Variants in ST3GAL1 observed in about 807,000 individuals in gnomAD.
ST3GAL1 encodes the protein ST3 beta-galactoside alpha-2,3-sialyltransferase 1.
ST3GAL1 carries 16 observed loss-of-function variants against 34.1 expected under a neutral mutation model. The observed-to-expected ratio is 0.47, with a 90% CI of 0.32 to 0.71. The LOEUF (loss-of-function observed/expected upper bound fraction) is 0.71, where lower values mean the gene tolerates loss of function less well. Among genes scored for constraint, ST3GAL1 ranks in the 30% least tolerant of loss-of-function variants. ST3GAL1 has a pLI of 0.04. For missense variants in ST3GAL1, 353 were observed against 447.4 expected, an observed-to-expected ratio of 0.79 and a Z score of 1.90; for synonymous variants, 191 against 184.7, an observed-to-expected ratio of 1.03 and a Z score of -0.28.
At chr8:133,463,333 C>G in intron 8 of ST3GAL1, 81 bp downstream of exon 8, 2 of 1,535,384 alleles carry the variant, frequency 1.3e-6, no homozygotes, top group Non-Finnish European at 1.8e-6. Context: ...GGCTGTCTTG[C>G]AACTCAATGC....
intron 5 of ST3GAL1, among the ~76,000 whole-genome samples, chr8:133,473,665 G>A (rs1276964862): frequency 6.6e-6 from 1 of 152,208 alleles, no homozygotes; most frequent in Non-Finnish European, 1.5e-5. Flanking sequence ...TCAAGGGAGG[G>A]CAACTTTGTG....
At chr8:133,474,913 A>G (rs563933130) in intron 5 of ST3GAL1, among the ~76,000 whole-genome samples, 1 of 152,320 alleles carries the variant, frequency 6.6e-6, no homozygotes, top group South Asian at 2.1e-4. Context: ...CAGCCAGAAT[A>G]AAATTCCATG....
At chr8:133,482,074 C>T (rs1307684558) in intron 3 of ST3GAL1, among the ~76,000 whole-genome samples, 1 of 152,036 alleles carries the variant, frequency 6.6e-6, no homozygotes, top group Non-Finnish European at 1.5e-5. Context: ...CTCTGCTCGT[C>T]CTCTGAACCC....
At chr8:133,509,219 A>G (rs1337628411) in intron 2 of ST3GAL1, among the ~76,000 whole-genome samples, 1 of 152,244 alleles carries the variant, frequency 6.6e-6, no homozygotes, top group Non-Finnish European at 1.5e-5. Context: ...ACAGTTCCTC[A>G]GTGTCACCAG....
chr8:133,537,645 C>T (rs1177411800), intron 2 of ST3GAL1, among the ~76,000 whole-genome samples: 2 of 152,184 alleles, frequency 1.3e-5, no homozygotes, highest in Admixed American at 6.5e-5. Flanking sequence ...ACGCCAGGCC[C>T]ATTCTCTGGA....
At chr8:133,540,710 GACATATATATATATAGAC>G (rs1210781741) in intron 2 of ST3GAL1, among the ~76,000 whole-genome samples, 70 of 114,942 alleles carry the variant, frequency 6.1e-4, no homozygotes, top group African/African-American at 2.1e-3. Context: ...TATATATACA[GACATATATATATATAGAC>G]ATATATATAT....
intron 2 of ST3GAL1, among the ~76,000 whole-genome samples, chr8:133,524,783 A>G (rs1482056578): frequency 6.6e-6 from 1 of 152,272 alleles, no homozygotes; most frequent in South Asian, 2.1e-4. Flanking sequence ...TTCTGGACCC[A>G]TGTCTGGATG....
At chr8:133,512,085 T>C (rs1390370777) in intron 2 of ST3GAL1, among the ~76,000 whole-genome samples, 4 of 152,024 alleles carry the variant, frequency 2.6e-5, no homozygotes, top group Non-Finnish European at 5.9e-5. Context: ...TAAGAAGAAT[T>C]GACTCACACC....
chr8:133,490,355 C>T (rs1317505544), intron 3 of ST3GAL1, among the ~76,000 whole-genome samples: 8 of 152,214 alleles, frequency 5.3e-5, no homozygotes, highest in African/African-American at 1.7e-4. Flanking sequence ...GCTTCAAGAA[C>T]ACAGCTGGCG....
chr8:133,533,453 C>A (rs764688210), intron 2 of ST3GAL1, among the ~76,000 whole-genome samples: 1 of 152,212 alleles, frequency 6.6e-6, no homozygotes, highest in Non-Finnish European at 1.5e-5. Context: ...GCACATTAGT[C>A]CCCAAGAAAT....
At chr8:133,568,078 T>C (rs1279383265) in intron 1 of ST3GAL1, among the ~76,000 whole-genome samples, 3 of 152,102 alleles carry the variant, frequency 2.0e-5, no homozygotes, top group African/African-American at 4.8e-5. Context: ...CCCACCACTA[T>C]GCCCGGCTAA....
Position 133,462,590 on chromosome 8 carries a change from A to G in ST3GAL1, c.730-596T>C, listed in dbSNP as rs1459247048. Among the ~76,000 whole-genome samples the G allele has an allele frequency of 3.3e-5, 5 of 152,304 alleles. No homozygotes were observed. In the East Asian group the frequency reaches 9.7e-4, roughly 29 times the overall value. ...CCACCACCCAAAGCCTGCCTTGAGC[A>G]CAACGAAAGGGAATTCTCAGGCAGG... On this transcript the variant is annotated intron_variant, in intron 8 of 9. Transcript: ENST00000522652.
At chr8:133,546,015 T>C (rs1271463528) in intron 1 of ST3GAL1, 89 bp from the exon 2 acceptor site, 1 of 152,246 alleles carries the variant, frequency 6.6e-6, no homozygotes, top group Non-Finnish European at 1.5e-5. Flanking sequence ...AATGAAAAGA[T>C]ATTCACCCAC....
At chr8:133,477,263 G>C (rs1248556707) in intron 3 of ST3GAL1, among the ~76,000 whole-genome samples, 1 of 152,148 alleles carries the variant, frequency 6.6e-6, no homozygotes, top group Admixed American at 6.6e-5. Flanking sequence ...GTATCTATTA[G>C]GCCATTGCTG....
At chr8:133,498,884 C>A (rs1817058880) in intron 3 of ST3GAL1, among the ~76,000 whole-genome samples, 1 of 152,184 alleles carries the variant, frequency 6.6e-6, no homozygotes, top group South Asian at 2.1e-4. Flanking sequence ...CCCAGGTGCG[C>A]CTAAGCTCCG....
At chr8:133,465,691 C>G in intron 6 of ST3GAL1, 2 of 543,374 alleles carry the variant, frequency 3.7e-6, no homozygotes, top group Non-Finnish European at 3.2e-6. Context: ...CGCAGAGGCC[C>G]TTCTAGTCCA....
rs184659800 is a variant in ST3GAL1 at position 133,518,326 on chromosome 8, A to G, written c.-428-19137T>C. On this transcript the variant is annotated intron_variant, in intron 2 of 9. Coordinates refer to ENST00000522652, the MANE Select transcript of ST3GAL1 (RefSeq NM_173344.3). Reference sequence around the variant, plus strand: ...AGATGACAGCCTCCAAAATGCACCAATCAGCCACCAGCCATGTGAAGCTCT... The same window carrying G: ...AGATGACAGCCTCCAAAATGCACCAGTCAGCCACCAGCCATGTGAAGCTCT... Among the ~76,000 whole-genome samples the G allele has an allele frequency of 2.5e-3, 378 of 152,222 alleles. 2 individuals are homozygous for G. Among genetic ancestry groups the G allele is most frequent in the African/African-American group, 8.2e-3 (340 of 41,522 alleles).
chr8:133,561,108 CT>C (rs765993286), intron 1 of ST3GAL1, among the ~76,000 whole-genome samples: 11,266 of 106,198 alleles, frequency 0.11, 344 homozygotes, highest in African/African-American at 0.17. Context: ...CCAGAGCCAT[CT>C]TTTTTTTTTT....
intron 3 of ST3GAL1, among the ~76,000 whole-genome samples, chr8:133,486,314 A>T (rs1354204960): frequency 1.3e-5 from 2 of 152,212 alleles, no homozygotes; most frequent in Non-Finnish European, 2.9e-5. Flanking sequence ...GTGAGCACTG[A>T]GTGGGCTTTG....
Sources: gnomAD v4.1 joint callset for allele counts (sites outside exome capture counted in the v4.1 genomes callset) on GRCh38, gnomAD v4.1.1 for gene constraint, MANE v1.5 for transcripts, NCBI Gene and HGNC (gene_info 2026-07-23, HGNC 2026-07-21) for gene names.